The following MRPL48 variants were observed in gnomAD, a reference collection of about 807,000 sequenced individuals.
MRPL48 encodes large ribosomal subunit protein mL48.
MRPL48 carries 16 observed loss-of-function variants against 32.9 expected under a neutral mutation model. That is an observed-to-expected ratio of 0.49 (90% CI 0.33 to 0.74). The LOEUF is 0.74. Ranked by LOEUF, MRPL48 falls within the 30% of genes least tolerant of loss-of-function variation. MRPL48 has a pLI of 0.02. For missense variants in MRPL48, 206 were observed against 245.3 expected (o/e 0.84, Z 1.07); for synonymous variants, 94 against 89.2 (o/e 1.05, Z -0.31).
In MRPL48 at chr11:73,838,568, C is replaced by T. The variant is rs1237410527; in HGVS notation, c.202-6239C>T. ...TCTGCTGGAAAATTTCAGCCACTCT[C>T]CATTGCATTCTGACTTCAGCATTCT... On this transcript the variant is annotated intron_variant, in intron 4 of 7. Coordinates refer to ENST00000310614, the MANE Select transcript of MRPL48 (RefSeq NM_016055.6). 2.6e-5 allele frequency among the ~76,000 whole-genome samples: 4 copies of T among 152,200 alleles called. No individual in the cohort carries two copies. In the East Asian group the frequency reaches 7.7e-4, roughly 29 times the overall value.
At chr11:73,824,384 A>G (rs1947845953) in intron 3 of MRPL48, among the ~76,000 whole-genome samples, 1 of 151,702 alleles carries the variant, frequency 6.6e-6, no homozygotes, top group Non-Finnish European at 1.5e-5. Context: ...GGTCAGTTCG[A>G]TACCAGCCTG....
chr11:73,845,578 G>T (rs766003994), intron 5 of MRPL48, among the ~76,000 whole-genome samples: 7 of 152,120 alleles, frequency 4.6e-5, no homozygotes, highest in Non-Finnish European at 8.8e-5. Context: ...TTTGAGACCT[G>T]CCTGGGCAAC....
At chr11:73,864,229 C>A in intron 7 of MRPL48, 67 bp from the exon 8 acceptor site, 1 of 1,438,626 alleles carries the variant, frequency 7.0e-7, no homozygotes, top group Non-Finnish European at 9.6e-7. Context: ...TTTTTGGATG[C>A]TGTGCATATC....
At chr11:73,853,214 T>C (rs1948430795) in intron 5 of MRPL48, among the ~76,000 whole-genome samples, 1 of 152,230 alleles carries the variant, frequency 6.6e-6, no homozygotes, top group Non-Finnish European at 1.5e-5. Context: ...GATAATTTAA[T>C]TGTACATTTA....
At chr11:73,789,454 T>G (rs1328371572) in intron 1 of MRPL48, 1 of 152,208 alleles carries the variant, frequency 6.6e-6, no homozygotes, top group Non-Finnish European at 1.5e-5. Flanking sequence ...ACTCCTTAGT[T>G]GCTTTAGTCA....
intron 1 of MRPL48, 40 bp downstream of exon 1, chr11:73,788,032 CGGACGGTGCAGAGAGG>C: frequency 1.4e-6 from 2 of 1,463,428 alleles, no homozygotes; most frequent in Non-Finnish European, 1.9e-6. Context: ...GGGGAGATGG[CGGACGGTGCAGAGAGG>C]GGAGATGGCG....
At position 73,864,735 on chromosome 11, in the gene MRPL48, C is replaced by A; in HGVS notation, c.*365C>A. Reference sequence around the variant, plus strand: ...ACTTTGCGAGGCCGAGGCAGGAGGACTGCTCGAGGCCAGGAGCTTGAGACC... The same window carrying A: ...ACTTTGCGAGGCCGAGGCAGGAGGAATGCTCGAGGCCAGGAGCTTGAGACC... On this transcript the variant is annotated 3_prime_UTR_variant, in exon 8 of 8. Coordinates refer to ENST00000310614, the MANE Select transcript of MRPL48 (RefSeq NM_016055.6). 1 of 235,798 alleles carries A rather than the reference C, an allele frequency of 4.2e-6. No individual in the cohort carries two copies. The highest frequency in any genetic ancestry group is 1.1e-4 in the South Asian group (1 of 9,360). 14.6% of individuals were successfully genotyped at this position (235,798 alleles called of 1,614,324 possible). A position where few individuals can be genotyped will look rare whatever the true frequency, so the allele number is the denominator to read the frequency against.
chr11:73,861,449 A>G (rs1948582939), intron 6 of MRPL48, among the ~76,000 whole-genome samples: 1 of 151,966 alleles, frequency 6.6e-6, no homozygotes, highest in African/African-American at 2.4e-5. Context: ...GGCTCACCGC[A>G]ACCTTCGCCT....
intron 4 of MRPL48, among the ~76,000 whole-genome samples, chr11:73,828,493 A>C (rs1223815584): frequency 6.6e-6 from 1 of 152,080 alleles, no homozygotes; most frequent in Non-Finnish European, 1.5e-5. Flanking sequence ...CCCAAAGTGC[A>C]AGGAATACAG....
chr11:73,840,657 G>A (rs1948172044), intron 4 of MRPL48, among the ~76,000 whole-genome samples: 1 of 152,042 alleles, frequency 6.6e-6, no homozygotes, highest in East Asian at 1.9e-4. Flanking sequence ...CCGCCACCAC[G>A]CCCAGCTAAT....
chr11:73,822,320 C>T (rs1029718430), intron 3 of MRPL48, among the ~76,000 whole-genome samples: 9 of 152,196 alleles, frequency 5.9e-5, no homozygotes, highest in African/African-American at 2.2e-4. Flanking sequence ...TTAGTTTTTT[C>T]TTCCTCTGAG....
intron 4 of MRPL48, among the ~76,000 whole-genome samples, chr11:73,827,676 A>T (rs1947923681): frequency 6.6e-6 from 1 of 152,140 alleles, no homozygotes; most frequent in South Asian, 2.1e-4. Flanking sequence ...GCAACCACAC[A>T]TATTTCCTAT....
chr11:73,792,901 A>G (rs1296703112), intron 1 of MRPL48, among the ~76,000 whole-genome samples: 1 of 152,220 alleles, frequency 6.6e-6, no homozygotes. Context: ...TCATGTCAAC[A>G]AGTCTATGAA....
intron 1 of MRPL48, among the ~76,000 whole-genome samples, chr11:73,790,365 G>T (rs1392788320): frequency 1.7e-5 from 2 of 115,490 alleles, no homozygotes; most frequent in Admixed American, 2.0e-4. Context: ...GTGAGCCACC[G>T]CACCCGGCCT....
intron 5 of MRPL48, among the ~76,000 whole-genome samples, chr11:73,852,455 A>G (rs1948416463): frequency 6.6e-6 from 1 of 152,102 alleles, no homozygotes; most frequent in Non-Finnish European, 1.5e-5. Flanking sequence ...AAAGATCTGA[A>G]TAGACGTTTC....
chr11:73,850,201 T>C (rs35738670), intron 5 of MRPL48, among the ~76,000 whole-genome samples: 8,574 of 152,202 alleles, frequency 0.056, 265 homozygotes, highest in Middle Eastern at 0.11. Flanking sequence ...ACTTGCTTTT[T>C]TTTTTTTTAC....
intron 1 of MRPL48, among the ~76,000 whole-genome samples, chr11:73,793,885 T>C (rs569303711): frequency 6.7e-4 from 101 of 150,906 alleles, no homozygotes; most frequent in Middle Eastern, 3.4e-3. Context: ...TTTCCCTTTT[T>C]CTGGAGAACA....
chr11:73,859,262 T>C (rs1317723231), intron 5 of MRPL48, among the ~76,000 whole-genome samples: 1 of 151,964 alleles, frequency 6.6e-6, no homozygotes, highest in Admixed American at 6.6e-5. Flanking sequence ...CTTGATTCTT[T>C]TTTCTTTTTC....
At chr11:73,791,382 T>C (rs1322733038) in intron 1 of MRPL48, among the ~76,000 whole-genome samples, 3 of 152,122 alleles carry the variant, frequency 2.0e-5, no homozygotes, top group African/African-American at 7.2e-5. Context: ...CTTTCCTCAT[T>C]AGAAGTTTTG....
Sources: gnomAD v4.1 joint callset for allele counts (sites outside exome capture counted in the v4.1 genomes callset) on GRCh38, gnomAD v4.1.1 for gene constraint, MANE v1.5 for transcripts, NCBI Gene and HGNC (gene_info 2026-07-23, HGNC 2026-07-21) for gene names.